Variants in FRAS1 observed in about 807,000 individuals in gnomAD.
FRAS1 encodes the protein Fraser extracellular matrix complex subunit 1, also known as extracellular matrix organizing protein FRAS1.
Under a neutral mutation model 435.2 loss-of-function variants are expected in FRAS1, and 290 were observed. That is an observed-to-expected ratio of 0.67 (90% CI 0.61 to 0.73). The LOEUF (loss-of-function observed/expected upper bound fraction) is 0.73. FRAS1 is among the 30% of genes least tolerant of loss of function. The pLI, the probability that FRAS1 is intolerant of heterozygous loss-of-function variation, is 0.00. For missense variants in FRAS1, 4,860 were observed against 5,001.5 expected, an observed-to-expected ratio of 0.97 and a Z score of 0.85; for synonymous variants, 1,800 against 1,851.0, an observed-to-expected ratio of 0.97 and a Z score of 0.71.
At chr4:78,441,388 A>T in intron 41 of FRAS1, 91 bp downstream of exon 41, 1 of 1,219,556 alleles carries the variant, frequency 8.2e-7, no homozygotes, top group Admixed American at 2.2e-5. Context: ...GGAGATGGAG[A>T]ACTACAGAGG....
intron 54 of FRAS1, among the ~76,000 whole-genome samples, chr4:78,477,055 A>G (rs1039952243): frequency 2.0e-5 from 3 of 152,038 alleles, no homozygotes; most frequent in African/African-American, 7.2e-5. Context: ...TGTACATATA[A>G]AATAATTTCT....
intron 50 of FRAS1, among the ~76,000 whole-genome samples, chr4:78,469,297 A>C (rs1488025621): frequency 2.0e-5 from 3 of 152,220 alleles, no homozygotes; most frequent in Admixed American, 1.3e-4. Flanking sequence ...ACCCAGGAAC[A>C]GGGAGATGCT....
chr4:78,273,653 A>T (rs1215247729), intron 9 of FRAS1, among the ~76,000 whole-genome samples: 1 of 152,198 alleles, frequency 6.6e-6, no homozygotes. Context: ...CTTGCATCCC[A>T]GGGATGAAGC....
At chr4:78,252,591 G>C in intron 5 of FRAS1, 40 bp downstream of exon 5, 1 of 1,583,038 alleles carries the variant, frequency 6.3e-7, no homozygotes, top group Admixed American at 1.8e-5. Flanking sequence ...CTTTGCTTGG[G>C]AGGTTCACAT....
At chr4:78,475,397 A>G in intron 53 of FRAS1, 41 bp from the exon 54 acceptor site, 3 of 1,612,080 alleles carry the variant, frequency 1.9e-6, no homozygotes, top group Non-Finnish European at 2.5e-6. Flanking sequence ...TTTCATAACC[A>G]TGGGGCATAG....
intron 2 of FRAS1, among the ~76,000 whole-genome samples, chr4:78,132,578 A>T (rs770063285): frequency 6.6e-6 from 1 of 152,172 alleles, no homozygotes; most frequent in Non-Finnish European, 1.5e-5. Context: ...GTGTCAGGAG[A>T]TGCAAGGGAG....
chr4:78,299,470 A>G (rs141188950), intron 14 of FRAS1, among the ~76,000 whole-genome samples: 2 of 152,210 alleles, frequency 1.3e-5, no homozygotes, highest in African/African-American at 2.4e-5. Context: ...GGTGACAGCC[A>G]TTTATCAACC....
chr4:78,110,424 C>G (rs1356898627), intron 2 of FRAS1, among the ~76,000 whole-genome samples: 2 of 111,344 alleles, frequency 1.8e-5, no homozygotes, highest in Non-Finnish European at 3.7e-5. Context: ...TGGAACAGAA[C>G]AGAGCCCTCA....
chr4:78,071,327 A>C (rs1433700020), intron 2 of FRAS1: 1 of 152,194 alleles, frequency 6.6e-6, no homozygotes, highest in Non-Finnish European at 1.5e-5. Context: ...TGTGACAGTT[A>C]ACTGAGAACA....
At chr4:78,301,739 T>C (rs866931259) in intron 14 of FRAS1, among the ~76,000 whole-genome samples, 27 of 152,264 alleles carry the variant, frequency 1.8e-4, no homozygotes, top group Middle Eastern at 3.4e-3. Context: ...CTCTAGAAAG[T>C]TATGATTTCC....
At chr4:78,080,901 G>T (rs546758805) in intron 2 of FRAS1, among the ~76,000 whole-genome samples, 1 of 152,318 alleles carries the variant, frequency 6.6e-6, no homozygotes, top group African/African-American at 2.4e-5. Context: ...ACTGGGATGT[G>T]CAGGCAAGTG....
At chr4:78,148,052 T>G (rs529205747) in intron 2 of FRAS1, among the ~76,000 whole-genome samples, 2 of 152,306 alleles carry the variant, frequency 1.3e-5, no homozygotes, top group East Asian at 3.9e-4. Context: ...GAAGAAAATG[T>G]CACTTGTTCA....
At chr4:78,395,129 G>T (rs1159488783) in intron 29 of FRAS1, among the ~76,000 whole-genome samples, 1 of 151,922 alleles carries the variant, frequency 6.6e-6, no homozygotes, top group African/African-American at 2.4e-5. Flanking sequence ...CATGGTGTCT[G>T]TAAATACAGA....
At chr4:78,438,768 A>G in intron 39 of FRAS1, 50 bp downstream of exon 39, 1 of 1,537,116 alleles carries the variant, frequency 6.5e-7, no homozygotes, top group Non-Finnish European at 8.8e-7. Flanking sequence ...ACTTGTATGA[A>G]AATATTTCAG....
In FRAS1 at chr4:78,511,277, C is replaced by T; in HGVS notation, c.9784C>T (p.Leu3262=). The change falls in exon 64 of 74, where the codon CTG becomes TTG. Residue 3262 remains leucine (L), a synonymous_variant. Transcript: ENST00000512123. ...TPFTSVNHMV[L]DSIYFSRRFH... is the part of the protein sequence containing the mutation. ...GGTGATTTTTTCTTCCTGTTAGGTC[C>T]TGGACAGCATTTACTTCAGCCGGAG... 6.3e-7 allele frequency: 1 copy of T among 1,594,120 alleles called. No individual in the cohort carries two copies. The highest frequency in any genetic ancestry group is 8.6e-7 in the Non-Finnish European group (1 of 1,166,836).
chr4:78,496,706 T>C (rs1720517235), intron 59 of FRAS1, 99 bp from the exon 60 acceptor site: 4 of 1,139,988 alleles, frequency 3.5e-6, no homozygotes, highest in South Asian at 1.4e-5. Context: ...GTGTGGACTT[T>C]TTGATGCAAT....
Position 78,473,445 on chromosome 4 carries a change from G to C in FRAS1, c.7530G>C (p.Val2510=). The C allele has an allele frequency of 6.2e-7, 1 of 1,612,588 alleles. No individual in the cohort carries two copies. The highest frequency in any genetic ancestry group is 8.5e-7 in the Non-Finnish European group (1 of 1,179,136). Residue 2510 remains valine, a synonymous_variant, in exon 53 of 74, where the codon GTG becomes GTC. Transcript: ENST00000512123. ...GAGTCTTTTTTCTCACAGAGGATGT[G>C]AACTTGGGGTTGATTCGTTATGTGT... is the stretch of plus-strand genomic sequence containing the variant. The part of the protein sequence containing the change: ...RAAATFTQED[V]NLGLIRYVLH...
chr4:78,103,027 A>G (rs190582736), intron 2 of FRAS1, among the ~76,000 whole-genome samples: 2 of 152,324 alleles, frequency 1.3e-5, no homozygotes, highest in Admixed American at 6.5e-5. Context: ...ATTGCTTTCT[A>G]GTAAACTGCT....
intron 14 of FRAS1, among the ~76,000 whole-genome samples, chr4:78,292,325 A>G (rs999172241): frequency 6.6e-6 from 1 of 152,214 alleles, no homozygotes; most frequent in African/African-American, 2.4e-5. Flanking sequence ...AAGTGCTCAG[A>G]TTAAACAATG....
Sources: allele counts gnomAD v4.1 joint callset (sites outside exome capture counted in the v4.1 genomes callset), GRCh38; gene constraint gnomAD v4.1.1; transcripts MANE v1.5; gene names NCBI Gene and HGNC (gene_info 2026-07-23, HGNC 2026-07-21).